Variants in SFI1 observed in about 807,000 individuals in gnomAD.
The protein encoded by SFI1 is protein SFI1 homolog.
Under a neutral mutation model 207.5 loss-of-function variants are expected in SFI1, and 195 were observed. The ratio of observed to expected loss-of-function variants is 0.94; its 90% CI spans 0.84 to 1.06. The LOEUF is 1.06. Ranked by LOEUF, SFI1 falls within the 50% of genes least tolerant of loss-of-function variation. SFI1 has a pLI of 0.00. For missense variants in SFI1, 1,634 were observed against 1,588.0 expected (o/e 1.03, Z -0.49); for synonymous variants, 630 against 598.9 (o/e 1.05, Z -0.76).
intron 24 of SFI1, 168 bp from the exon 25 acceptor site, chr22:31,612,974 G>A (rs1411086894): frequency 6.2e-6 from 4 of 640,556 alleles, no homozygotes; most frequent in East Asian, 2.8e-5. Flanking sequence ...CAGATGGAGC[G>A]TGTGTTGAGC....
chr22:31,508,095 G>T (rs1220633221), intron 1 of SFI1, among the ~76,000 whole-genome samples, 160 bp from the exon 2 acceptor site: 3 of 151,916 alleles, frequency 2.0e-5, no homozygotes, highest in African/African-American at 7.2e-5. Flanking sequence ...AAAAAAAAAA[G>T]TAATTTAAAT....
At chr22:31,496,846 G>T (rs1395874746) in intron 1 of SFI1, among the ~76,000 whole-genome samples, 3 of 152,174 alleles carry the variant, frequency 2.0e-5, no homozygotes, top group Non-Finnish European at 4.4e-5. Flanking sequence ...GCAGGACGGG[G>T]CCCGGAGCCT....
chr22:31,503,175 A>T (rs1250659488), intron 1 of SFI1, among the ~76,000 whole-genome samples: 2 of 151,730 alleles, frequency 1.3e-5, no homozygotes, highest in African/African-American at 4.8e-5. Context: ...CTGCTTTTTC[A>T]TTGATGGAGA....
At chr22:31,513,485 ACT>A (rs1185068673) in intron 2 of SFI1, among the ~76,000 whole-genome samples, 17 of 151,488 alleles carry the variant, frequency 1.1e-4, no homozygotes, top group African/African-American at 4.1e-4. Flanking sequence ...TTTGAGATTT[ACT>A]CTCTTAGGGA....
At chr22:31,559,265 A>T (rs1231973724) in intron 7 of SFI1, among the ~76,000 whole-genome samples, 3 of 151,946 alleles carry the variant, frequency 2.0e-5, no homozygotes, top group Non-Finnish European at 4.4e-5. Flanking sequence ...TACTAAAAAA[A>T]TACAAAAGTT....
chr22:31,508,990 G>A lies in SFI1; in HGVS notation c.92+614G>A, dbSNP rs534345748. 5.3e-5 allele frequency among the ~76,000 whole-genome samples: 8 copies of A among 152,144 alleles called. No individual in the cohort carries two copies. In the East Asian group the frequency reaches 5.8e-4, roughly 11 times the overall value. On this transcript the variant is annotated intron_variant, in intron 2 of 32. Coordinates refer to ENST00000400288, the MANE Select transcript of SFI1 (RefSeq NM_001007467.3). ...CTTGTGACCTTTCATAGGTTTTATC[G>A]TGAATGTTAATGGATTTTGTCACAT...
chr22:31,618,317 G>C lies in SFI1; in HGVS notation c.3628G>C (p.Glu1210Gln). The change falls in exon 33 of 33, where the codon GAA becomes CAA. Residue 1210 changes from glutamate (E) to glutamine (Q), a missense_variant. By Grantham distance (29) the Glu-to-Gln change is conservative (BLOSUM62 2). Coordinates refer to ENST00000400288, the MANE Select transcript of SFI1 (RefSeq NM_001007467.3). ...QQVQKELEQVEMQIQLLAEEL... is the reference protein window; with the variant it reads ...QQVQKELEQVQMQIQLLAEEL... ...GCCTGTCCCTCCATGGCCCCAGGTGGAAATGCAGATCCAGCTGCTGGCAGA... is the reference window on the plus strand; with the variant it reads ...GCCTGTCCCTCCATGGCCCCAGGTGCAAATGCAGATCCAGCTGCTGGCAGA... The C allele has an allele frequency of 6.2e-7, 1 of 1,609,104 alleles. No homozygotes were observed. The highest frequency in any genetic ancestry group is 8.5e-7 in the Non-Finnish European group (1 of 1,176,674).
chr22:31,520,794 G>A (rs5753672), intron 2 of SFI1, among the ~76,000 whole-genome samples: 9 of 150,146 alleles, frequency 6.0e-5, no homozygotes, highest in Admixed American at 2.0e-4. Context: ...CCAGGAGTTC[G>A]AGACCAGCCT....
In SFI1 at chr22:31,618,155, G is replaced by A. The variant is rs201208581; in HGVS notation, c.3553G>A (p.Glu1185Lys). The change falls in exon 32 of 33, where the codon GAG becomes AAG. Residue 1185 changes from glutamate to lysine, a missense_variant. Coordinates refer to ENST00000400288, the MANE Select transcript of SFI1 (RefSeq NM_001007467.3). ...RQASSLRRWL[E>K]LNREEPGPED... ...AGCGAGCAGCCTGCGCAGGTGGCTG[G>A]AGCTGAACAGAGAGGAGCCGGGGCC... 1.3e-6 allele frequency: 2 copies of A among 1,590,356 alleles called. No individual in the cohort carries two copies. The highest frequency in any genetic ancestry group is 2.7e-5 in the African/African-American group (2 of 74,802).
Position 31,613,179 on chromosome 22 carries a change from G to A in SFI1, c.2528G>A (p.Arg843Gln), listed in dbSNP as rs751059390. 2.6e-5 allele frequency: 42 copies of A among 1,613,638 alleles called. No individual in the cohort carries two copies. Among genetic ancestry groups the A allele is most frequent in the Non-Finnish European group, 3.1e-5 (37 of 1,180,024 alleles). The change falls in exon 25 of 33, where the codon CGG (arginine) becomes CAG (glutamine). Residue 843 changes from arginine (R) to glutamine (Q), a missense_variant. Physicochemically the swap from Arg to Gln is conservative, Grantham distance 43. Coordinates refer to ENST00000400288, the MANE Select transcript of SFI1 (RefSeq NM_001007467.3). ...AGGCAGGAGCAGCGGGCGACAGTGC[G>A]GGCCCTGTGGTTCTGGGCCTTCTCG... ...ARRQEQRATV[R>Q]ALWFWAFSLQ... is the part of the protein sequence containing the mutation.
rs1167531623 is a variant in SFI1, at chr22:31,606,398, A to T, written c.2125A>T (p.Ser709Cys). 6.2e-7 allele frequency: 1 copy of T among 1,613,780 alleles called. No individual in the cohort carries two copies. Among genetic ancestry groups the T allele is most frequent in the African/African-American group, 1.3e-5 (1 of 74,920 alleles). The part of the protein sequence containing the change: ...VDEAKKTFQA[S>C]THYRRTICSK... ...TGAAGCCAAAAAAACCTTTCAAGCA[A>T]GTACTCATTACAGAAGGACCATATG... The change falls in exon 21 of 33, where the codon AGT becomes TGT. Residue 709 changes from serine (S) to cysteine (C), a missense_variant. Physicochemically the swap from Ser to Cys is moderately radical, Grantham distance 112. Transcript: ENST00000400288.
At chr22:31,531,722 C>T (rs552424985) in intron 4 of SFI1, among the ~76,000 whole-genome samples, 6 of 152,190 alleles carry the variant, frequency 3.9e-5, no homozygotes, top group South Asian at 4.1e-4. Context: ...GGAGAAACCC[C>T]GTCTCTACTA....
chr22:31,501,901 C>A (rs983061551), intron 1 of SFI1, among the ~76,000 whole-genome samples: 5 of 152,052 alleles, frequency 3.3e-5, no homozygotes, highest in Non-Finnish European at 5.9e-5. Flanking sequence ...CTCCCATGTC[C>A]CCACGATAAG....
chr22:31,611,954 C>A, intron 24 of SFI1, 114 bp downstream of exon 24: 11 of 1,476,992 alleles, frequency 7.4e-6, no homozygotes, highest in Non-Finnish European at 9.9e-6. Flanking sequence ...TTTACTATCA[C>A]CCTCCCCAGG....
In SFI1 at chr22:31,602,199, C is replaced by A. The variant is rs771316780; in HGVS notation, c.1545-13C>A. ...TTTGTTTTAAGTGCTTTACATTCTT[C>A]CTTGTTTTTTAGGGAGACATTAGAG... On this transcript the variant is annotated splice_polypyrimidine_tract_variant and intron_variant, in intron 15 of 32. Transcript: ENST00000400288. 4 of 1,607,350 alleles carry A rather than the reference C, an allele frequency of 2.5e-6. No individual in the cohort carries two copies. In the East Asian group the frequency reaches 8.9e-5, roughly 36 times the overall value.
In SFI1 at chr22:31,617,378, C is replaced by T. The variant is rs550235967; in HGVS notation, c.3512+300C>T. On this transcript the variant is annotated intron_variant, in intron 31 of 32. Coordinates refer to ENST00000400288, the MANE Select transcript of SFI1 (RefSeq NM_001007467.3). ...AAAGTTGAGCAAAACTCTAAAAACC[C>T]GATGAGGCCATGCTGTCCCCAGTGA... 9.2e-5 allele frequency among the ~76,000 whole-genome samples: 14 copies of T among 152,174 alleles called. No individual in the cohort carries two copies. The East Asian group carries it at 1.2e-3, about 13-fold the overall frequency.
At chr22:31,537,778 T>C (rs1177835150) in intron 4 of SFI1, among the ~76,000 whole-genome samples, 1 of 152,190 alleles carries the variant, frequency 6.6e-6, no homozygotes, top group African/African-American at 2.4e-5. Context: ...ATATCAAATA[T>C]CAATCTGTTA....
chr22:31,557,391 G>A (rs1252255594), intron 7 of SFI1, among the ~76,000 whole-genome samples: 1 of 146,556 alleles, frequency 6.8e-6, no homozygotes, highest in African/African-American at 2.5e-5. Flanking sequence ...GTTTTATCAT[G>A]TTTCCCAGGC....
chr22:31,609,284 C>G (rs1440577646), intron 22 of SFI1, among the ~76,000 whole-genome samples: 1 of 152,062 alleles, frequency 6.6e-6, no homozygotes, highest in African/African-American at 2.4e-5. Context: ...AGGCGTGAGC[C>G]ACTACACCTG....
Sources: allele counts gnomAD v4.1 joint callset (sites outside exome capture counted in the v4.1 genomes callset), GRCh38; gene constraint gnomAD v4.1.1; transcripts MANE v1.5; gene names NCBI Gene and HGNC (gene_info 2026-07-23, HGNC 2026-07-21).